ZNF142: variants seen among roughly 807,000 people sequenced by gnomAD.
ZNF142 encodes zinc finger protein 142.
A neutral mutation model predicts 132.1 loss-of-function variants in ZNF142; 96 were observed. The ratio of observed to expected loss-of-function variants is 0.73; its 90% CI spans 0.62 to 0.86. The LOEUF (loss-of-function observed/expected upper bound fraction) is 0.86. Among genes scored for constraint, ZNF142 ranks in the 40% least tolerant of loss-of-function variants. ZNF142 has a pLI of 0.00. For missense variants in ZNF142, 2,163 were observed against 2,336.2 expected (o/e 0.93, Z 1.53); for synonymous variants, 842 against 890.1 (o/e 0.95, Z 0.96).
Position 218,638,351 on chromosome 2 carries a change from T to C in ZNF142, c.5652A>G (p.Gly1884=). ...SPPAPAAPHT[G]PEG ...GTGGGGCAGGCTTTCAGCCCTCAGG[T>C]CCAGTGTGGGGAGCGGCAGGAGCAG... Residue 1884 remains glycine (G), a synonymous_variant, in exon 11 of 11, where the codon GGA becomes GGG. Coordinates refer to ENST00000411696, the MANE Select transcript of ZNF142 (RefSeq NM_001379659.1). 1 of 1,518,542 alleles carries C rather than the reference T, an allele frequency of 6.6e-7. No homozygotes were observed. Among genetic ancestry groups the C allele is most frequent in the Non-Finnish European group, 8.8e-7 (1 of 1,133,230 alleles). 94.1% of individuals were successfully genotyped at this position (1,518,542 alleles called of 1,614,324 possible). A position where few individuals can be genotyped will look rare whatever the true frequency, so the allele number is the denominator to read the frequency against.
chr2:218,639,481 A>G (rs1696986660), intron 10 of ZNF142, among the ~76,000 whole-genome samples: 1 of 152,200 alleles, frequency 6.6e-6, no homozygotes, highest in Admixed American at 6.5e-5. Context: ...GTCACAGAGT[A>G]CTCATGGAAT....
intron 4 of ZNF142, among the ~76,000 whole-genome samples, chr2:218,655,096 C>T (rs1023902398): frequency 6.6e-6 from 1 of 152,066 alleles, no homozygotes; most frequent in African/African-American, 2.4e-5. Flanking sequence ...CTCAACAAAA[C>T]CCCCAAAACC....
Position 218,642,490 on chromosome 2 carries a change from G to T in ZNF142, c.4626C>A (p.Ser1542Arg). Residue 1542 changes from serine to arginine, a missense_variant, in exon 9 of 11, where the codon AGC becomes AGA. By Grantham distance (110) the Ser-to-Arg change is moderately radical. This residue lies in a region of ZNF142 where 809 missense variants were observed against 801.7 expected (regional missense o/e 1.01). Transcript: ENST00000411696. This position sits in a 1 kb window ranked among gnomAD's most constrained non-coding sequence, Gnocchi z 4.6. ...RCGLLCPSPASLRGHTRKQHP... is the reference protein window; with the variant it reads ...RCGLLCPSPARLRGHTRKQHP... Reference sequence around the variant, plus strand: ...GCTGTTTACGGGTGTGTCCTCGTAAGCTGGCAGGGCTGGGGCACAGCAACC... The same window carrying T: ...GCTGTTTACGGGTGTGTCCTCGTAATCTGGCAGGGCTGGGGCACAGCAACC... The T allele has an allele frequency of 6.2e-7, 1 of 1,607,622 alleles. No homozygotes were observed. The highest frequency in any genetic ancestry group is 8.5e-7 in the Non-Finnish European group (1 of 1,176,186).
At position 218,643,828 on chromosome 2, in the gene ZNF142, GTTCT is replaced by G. The variant is rs757438052; in HGVS notation, c.3284_3287del (p.Lys1095ThrfsTer121). 3 of 1,613,590 alleles carry G rather than the reference GTTCT, an allele frequency of 1.9e-6. No individual in the cohort carries two copies. Among genetic ancestry groups the G allele is most frequent in the Non-Finnish European group, 2.5e-6 (3 of 1,179,696 alleles). ...GTGAATCTGGTCTGGGCAAGCCCTT[GTTCT>G]TTCTGAGTAGAACAGGGCACTTCTT... On this transcript the variant is annotated frameshift_variant, in exon 9 of 11. Coordinates refer to ENST00000411696, the MANE Select transcript of ZNF142 (RefSeq NM_001379659.1). LOFTEE classifies it high-confidence loss of function.
In ZNF142 at chr2:218,642,661, G is replaced by A. The variant is rs1156951296; in HGVS notation, c.4455C>T (p.Ala1485=). ...HVNSCHQGTP[A]FACSQCEAQF... is the part of the protein sequence containing the mutation. ...GGGCTTCACACTGGGAGCAGGCAAA[G>A]GCTGGGGTGCCTTGGTGGCAGCTGT... The change falls in exon 9 of 11, where the codon GCC becomes GCT. Residue 1485 remains alanine, a synonymous_variant. Transcript: ENST00000411696. This position sits in a 1 kb window ranked among gnomAD's most constrained non-coding sequence, Gnocchi z 4.6. 4 of 1,614,162 alleles carry A rather than the reference G, an allele frequency of 2.5e-6. No individual in the cohort carries two copies. The highest frequency in any genetic ancestry group is 3.4e-6 in the Non-Finnish European group (4 of 1,180,042).
At chr2:218,650,613 T>A (rs952149279) in intron 5 of ZNF142, 87 bp from the exon 6 acceptor site, 2 of 1,295,386 alleles carry the variant, frequency 1.5e-6, no homozygotes, top group Non-Finnish European at 2.1e-6. Context: ...GCTGAAATAA[T>A]CACCCTCTCC....
At chr2:218,657,802 G>A (rs1045330404) in intron 3 of ZNF142, among the ~76,000 whole-genome samples, 2 of 152,208 alleles carry the variant, frequency 1.3e-5, no homozygotes, top group East Asian at 1.9e-4. Context: ...TATCAGAAAC[G>A]AGGTCACACT....
chr2:218,649,284 G>T lies in ZNF142; in HGVS notation c.1224C>A (p.Thr408=), dbSNP rs767270507. The change falls in exon 7 of 11, where the codon ACC becomes ACA. Residue 408 remains threonine, a synonymous_variant. Coordinates refer to ENST00000411696, the MANE Select transcript of ZNF142 (RefSeq NM_001379659.1). Reference sequence around the variant, plus strand: ...TTTCACCCAGCTCCCGCAGCAGATGGGTCTTGAGCTTGCTCTTACTGGTGA... The same window carrying T: ...TTTCACCCAGCTCCCGCAGCAGATGTGTCTTGAGCTTGCTCTTACTGGTGA... The part of the protein sequence containing the change: ...KFFTSKSKLK[T]HLLRELGEKA... 91 of 1,614,146 alleles carry T rather than the reference G, an allele frequency of 5.6e-5. No homozygotes were observed. The Admixed American group carries it at 1.5e-3, about 27-fold the overall frequency.
In ZNF142 at chr2:218,649,384, C is replaced by T. The variant is rs747218313; in HGVS notation, c.1124G>A (p.Arg375Gln). 1.3e-5 allele frequency: 21 copies of T among 1,613,828 alleles called. No homozygotes were observed. Among genetic ancestry groups the T allele is most frequent in the South Asian group, 1.1e-4 (10 of 91,040 alleles). Residue 375 changes from arginine (R) to glutamine (Q), a missense_variant, in exon 7 of 11, where the codon CGG (arginine) becomes CAG (glutamine). Arg to Gln is a conservative substitution (Grantham distance 43). Coordinates refer to ENST00000411696, the MANE Select transcript of ZNF142 (RefSeq NM_001379659.1). The part of the protein sequence containing the change: ...CPECKRCFKK[R>Q]THLVEHLHLH... ...ATGCAGGTGCTCCACCAGATGAGTC[C>T]GCTTCTTAAAGCAGCGCTTACACTC...
In ZNF142 at chr2:218,642,746, T is replaced by C. The variant is rs757166686; in HGVS notation, c.4370A>G (p.His1457Arg). ...RLRVHDKTPT[H>R]FCPLCDYSGY... is the part of the protein sequence containing the mutation. ...ACTATAGTCACAAAGTGGACAGAAG[T>C]GGGTAGGTGTTTTGTCATGTACCCT... The change falls in exon 9 of 11, where the codon CAC becomes CGC. Residue 1457 changes from histidine to arginine, a missense_variant. This residue lies in a region of ZNF142 where 809 missense variants were observed against 801.7 expected (regional missense o/e 1.01). Coordinates refer to ENST00000411696, the MANE Select transcript of ZNF142 (RefSeq NM_001379659.1). This position sits in a 1 kb window ranked among gnomAD's most constrained non-coding sequence, Gnocchi z 4.6. 8 of 1,614,044 alleles carry C rather than the reference T, an allele frequency of 5.0e-6. No individual in the cohort carries two copies. The highest frequency in any genetic ancestry group is 6.8e-6 in the Non-Finnish European group (8 of 1,179,988).
At position 218,633,535 on chromosome 2, in the gene ZNF142, G is replaced by C; in HGVS notation, c.*4804C>G. The C allele has an allele frequency of 6.5e-7, 1 of 1,537,876 alleles. No homozygotes were observed. The highest frequency in any genetic ancestry group is 1.7e-5 in the Admixed American group (1 of 59,804). ...AGGCAGTGGGCAGAGGTTTAGGTTG[G>C]ATGGCCATTATCTTCTTCTCTCTCA... On this transcript the variant is annotated 3_prime_UTR_variant, in exon 11 of 11. Coordinates refer to ENST00000411696, the MANE Select transcript of ZNF142 (RefSeq NM_001379659.1).
chr2:218,653,139 G>T (rs1938165463), intron 4 of ZNF142, among the ~76,000 whole-genome samples: 1 of 151,982 alleles, frequency 6.6e-6, no homozygotes, highest in Non-Finnish European at 1.5e-5. Context: ...AATTAGCCAG[G>T]CGTGGTGGCA....
chr2:218,648,855 A>G lies in ZNF142; in HGVS notation c.1653T>C (p.Ala551=). ...YAFHCPHCDF[A]CSNKHLFRKH... The stretch of plus-strand genomic sequence containing the variant: ...TACGGAATAGGTGCTTATTGGAACA[A>G]GCAAAATCACAGTGGGGGCAGTGGA... The change falls in exon 7 of 11, where the codon GCT becomes GCC. Residue 551 remains alanine (A), a synonymous_variant. Coordinates refer to ENST00000411696, the MANE Select transcript of ZNF142 (RefSeq NM_001379659.1). 1.9e-6 allele frequency: 3 copies of G among 1,614,228 alleles called. No homozygotes were observed. Among genetic ancestry groups the G allele is most frequent in the Non-Finnish European group, 2.5e-6 (3 of 1,180,038 alleles).
rs755940042 is a variant in ZNF142 at position 218,636,451 on chromosome 2, T to C, written c.*1888A>G. ...CCAGCTCTGGCTGCCTTCCTAATGC[T>C]GTCCTCCTGCCCCTTCCAGGTTACC... On this transcript the variant is annotated 3_prime_UTR_variant, in exon 11 of 11. Transcript: ENST00000411696. 7 of 1,614,036 alleles carry C rather than the reference T, an allele frequency of 4.3e-6. No individual in the cohort carries two copies. The highest frequency in any genetic ancestry group is 1.3e-5 in the African/African-American group (1 of 75,068).
chr2:218,658,261 C>T (rs1369564589), intron 3 of ZNF142, among the ~76,000 whole-genome samples: 1 of 152,152 alleles, frequency 6.6e-6, no homozygotes, highest in Non-Finnish European at 1.5e-5. Context: ...GAAACCAGGC[C>T]GGGCGCGGTG....
At chr2:218,655,265 T>C (rs764854942) in intron 4 of ZNF142, among the ~76,000 whole-genome samples, 1 of 152,260 alleles carries the variant, frequency 6.6e-6, no homozygotes, top group Non-Finnish European at 1.5e-5. Flanking sequence ...TATGGAAGTT[T>C]GGAAATATTA....
At position 218,636,653 on chromosome 2, in the gene ZNF142, C is replaced by A; in HGVS notation, c.*1686G>T. 1 of 1,432,460 alleles carries A rather than the reference C, an allele frequency of 7.0e-7. No individual in the cohort carries two copies. The highest frequency in any genetic ancestry group is 9.7e-7 in the Non-Finnish European group (1 of 1,035,754). 88.7% of individuals were successfully genotyped at this position (1,432,460 alleles called of 1,614,324 possible). ...ACATCTGGAAGGATGCTCGAGAGAA[C>A]AAATGGAGGTGGTGAAAATCAAGCT... On this transcript the variant is annotated 3_prime_UTR_variant, in exon 11 of 11. Transcript: ENST00000411696.
chr2:218,650,987 CTTTTTT>C (rs5838705), intron 5 of ZNF142, among the ~76,000 whole-genome samples: 1 of 137,632 alleles, frequency 7.3e-6, no homozygotes. Context: ...TTCTTTACTT[CTTTTTT>C]TTTTTTTTTT....
rs376093405 is a variant in ZNF142 at position 218,638,800 on chromosome 2, G to C, written c.5203C>G (p.Pro1735Ala). 3.9e-5 allele frequency: 63 copies of C among 1,597,738 alleles called. No individual in the cohort carries two copies. Among genetic ancestry groups the C allele is most frequent in the Non-Finnish European group, 5.0e-5 (59 of 1,176,774 alleles). ...YHMTKHTGLK[P>A]YQCPECEYCT... ...TACTCACACTCGGGACACTGGTATGGCTTCAGTCCTACAGGACAGGGAACA... is the reference window on the plus strand; with the variant it reads ...TACTCACACTCGGGACACTGGTATGCCTTCAGTCCTACAGGACAGGGAACA... Residue 1735 changes from proline (P) to alanine (A), a missense_variant, in exon 11 of 11, where the codon CCA becomes GCA. By Grantham distance (27) the Pro-to-Ala change is conservative (BLOSUM62 -1). Coordinates refer to ENST00000411696, the MANE Select transcript of ZNF142 (RefSeq NM_001379659.1).
Sources: gnomAD v4.1 joint callset for allele counts (sites outside exome capture counted in the v4.1 genomes callset) on GRCh38, gnomAD v4.1.1 for gene constraint, gnomAD v4.1.1 regional missense constraint, Gnocchi (gnomAD v3.1) non-coding constraint, MANE v1.5 for transcripts, NCBI Gene and HGNC (gene_info 2026-07-23, HGNC 2026-07-21) for gene names.